The following LPP variants were observed in gnomAD, a reference collection of about 807,000 sequenced individuals.
LPP encodes the protein LIM domain containing preferred translocation partner in lipoma.
In LPP, 38 loss-of-function variants were observed where a neutral mutation model predicts 60.4. The observed-to-expected ratio is 0.63, with a 90% CI of 0.49 to 0.83. The LOEUF is 0.83. LPP is among the 40% of genes least tolerant of loss of function. LPP has a pLI of 0.00. For missense variants in LPP, 902 were observed against 783.6 expected, an observed-to-expected ratio of 1.15 and a Z score of -1.80; for synonymous variants, 328 against 290.8, an observed-to-expected ratio of 1.13 and a Z score of -1.30.
chr3:188,757,231 ACATCG>A (rs1730573968), intron 8 of LPP, among the ~76,000 whole-genome samples: 2 of 143,290 alleles, frequency 1.4e-5, no homozygotes, highest in Non-Finnish European at 3.2e-5. Flanking sequence ...TGACATCGTG[ACATCG>A]TCGAATTCAT....
At chr3:188,377,621 A>G (rs1308061599) in intron 3 of LPP, among the ~76,000 whole-genome samples, 5 of 151,988 alleles carry the variant, frequency 3.3e-5, no homozygotes, top group African/African-American at 1.2e-4. Context: ...TTTTTTTTCA[A>G]AGCTTTTAAC....
chr3:188,581,100 G>GA (rs1835974264), intron 6 of LPP, among the ~76,000 whole-genome samples: 1 of 152,100 alleles, frequency 6.6e-6, no homozygotes, highest in Non-Finnish European at 1.5e-5. Context: ...ACTTTAGCCT[G>GA]AAAAAATTAA....
intron 9 of LPP, among the ~76,000 whole-genome samples, chr3:188,773,312 T>C (rs1320212214): frequency 6.6e-6 from 1 of 152,208 alleles, no homozygotes; most frequent in Middle Eastern, 3.2e-3. Flanking sequence ...GGTGCTTTTT[T>C]TGAATACTTC....
intron 5 of LPP, among the ~76,000 whole-genome samples, chr3:188,521,851 G>C (rs1183079831): frequency 6.6e-6 from 1 of 152,154 alleles, no homozygotes; most frequent in South Asian, 2.1e-4. Context: ...CTATCTAAGA[G>C]TATGTGGAAA....
At chr3:188,611,191 C>T (rs1843645994) in intron 7 of LPP, among the ~76,000 whole-genome samples, 1 of 152,170 alleles carries the variant, frequency 6.6e-6, no homozygotes, top group Non-Finnish European at 1.5e-5. Flanking sequence ...AATCCTATAG[C>T]CTTATGTGTG....
intron 9 of LPP, among the ~76,000 whole-genome samples, chr3:188,858,205 ATTT>A (rs1764294109): frequency 6.6e-6 from 1 of 152,140 alleles, no homozygotes; most frequent in Non-Finnish European, 1.5e-5. Context: ...AAAATCTATC[ATTT>A]GACTTGTCTC....
At chr3:188,589,709 C>T (rs200149575) in intron 6 of LPP, among the ~76,000 whole-genome samples, 3 of 152,116 alleles carry the variant, frequency 2.0e-5, no homozygotes, top group Non-Finnish European at 2.9e-5. Context: ...ATTGAAGCTA[C>T]TCATTTGCCA....
At chr3:188,670,502 T>C (rs1336869164) in intron 7 of LPP, among the ~76,000 whole-genome samples, 1 of 152,044 alleles carries the variant, frequency 6.6e-6, no homozygotes, top group East Asian at 1.9e-4. Context: ...TCCACCCTTT[T>C]AGTTCTGTTA....
chr3:188,578,216 G>T (rs935598091), intron 6 of LPP, among the ~76,000 whole-genome samples: 1 of 151,660 alleles, frequency 6.6e-6, no homozygotes, highest in Non-Finnish European at 1.5e-5. Flanking sequence ...GGCCACTATG[G>T]TCCTTCCTCT....
intron 5 of LPP, among the ~76,000 whole-genome samples, chr3:188,485,440 G>C (rs2149681794): frequency 6.6e-6 from 1 of 152,254 alleles, no homozygotes. Context: ...TGTTCGCATA[G>C]ATACATTGAA....
intron 6 of LPP, among the ~76,000 whole-genome samples, chr3:188,594,854 A>G (rs1308093603): frequency 6.6e-6 from 1 of 152,212 alleles, no homozygotes; most frequent in Non-Finnish European, 1.5e-5. Flanking sequence ...GACACCACTC[A>G]TAATTACCAC....
At chr3:188,573,316 G>C (rs972040854) in intron 6 of LPP, among the ~76,000 whole-genome samples, 1 of 152,134 alleles carries the variant, frequency 6.6e-6, no homozygotes, top group Non-Finnish European at 1.5e-5. Flanking sequence ...GTAAAAGGAA[G>C]ATACAAATAT....
intron 7 of LPP, among the ~76,000 whole-genome samples, chr3:188,631,913 C>T (rs1847908956): frequency 6.6e-6 from 1 of 152,078 alleles, no homozygotes; most frequent in Admixed American, 6.6e-5. Flanking sequence ...TCAAAGGTCA[C>T]ATGTTGATTC....
chr3:188,352,064 T>A lies in LPP; in HGVS notation c.-10+10345T>A, dbSNP rs1287050357. ...TTATTTCCTCCCCCCTTGTCATTTT[T>A]CTTCTATTACTTTTGCTTCTTCCCC... On this transcript the variant is annotated intron_variant, in intron 3 of 11. Coordinates refer to ENST00000617246, the MANE Select transcript of LPP (RefSeq NM_001375462.1). The surrounding 1 kb of genome is among the most constrained non-coding windows in gnomAD (Gnocchi z 4.4). 6.6e-6 allele frequency among the ~76,000 whole-genome samples: 1 copy of A among 152,178 alleles called. No homozygotes were observed. The highest frequency in any genetic ancestry group is 1.5e-5 in the Non-Finnish European group (1 of 68,028).
rs1183957755 is a variant in LPP at position 188,289,324 on chromosome 3, A to G, written c.-66-52339A>G. On this transcript the variant is annotated intron_variant, in intron 2 of 11. Transcript: ENST00000617246. ...TAGAGAGGATACTAACGATACATTA[A>G]TAATGTTCTTGGTTTTGACAGAATA... Among the ~76,000 whole-genome samples the G allele has an allele frequency of 2.0e-5, 3 of 152,224 alleles. No individual in the cohort carries two copies. The South Asian group carries it at 6.2e-4, about 32-fold the overall frequency.
intron 6 of LPP, among the ~76,000 whole-genome samples, chr3:188,533,475 A>ATCT (rs1262766778): frequency 6.6e-6 from 1 of 152,174 alleles, no homozygotes; most frequent in Non-Finnish European, 1.5e-5. Flanking sequence ...GGATAGTGGC[A>ATCT]TCTTCCTCCT....
At chr3:188,758,446 C>T (rs1731093209) in intron 8 of LPP, among the ~76,000 whole-genome samples, 1 of 152,132 alleles carries the variant, frequency 6.6e-6, no homozygotes, top group African/African-American at 2.4e-5. Context: ...AAGACATGAG[C>T]CACTGCACCC....
At chr3:188,837,630 A>G (rs1048270419) in intron 9 of LPP, among the ~76,000 whole-genome samples, 2 of 151,976 alleles carry the variant, frequency 1.3e-5, no homozygotes, top group African/African-American at 4.8e-5. Context: ...AATTGCCTCT[A>G]TTTCAAGTCT....
chr3:188,794,970 T>C (rs547206549), intron 9 of LPP, among the ~76,000 whole-genome samples: 1 of 152,210 alleles, frequency 6.6e-6, no homozygotes, highest in African/African-American at 2.4e-5. Flanking sequence ...ACCCCGTCTC[T>C]ACTAAAATAC....
Sources: allele counts gnomAD v4.1 joint callset (sites outside exome capture counted in the v4.1 genomes callset), GRCh38; gene constraint gnomAD v4.1.1; non-coding constraint Gnocchi (gnomAD v3.1); transcripts MANE v1.5; gene names NCBI Gene and HGNC (gene_info 2026-07-23, HGNC 2026-07-21).